KCNB2: variants seen among roughly 807,000 people sequenced by gnomAD.
KCNB2 encodes the protein potassium voltage-gated channel subfamily B member 2.
A neutral mutation model predicts 61.5 loss-of-function variants in KCNB2; 15 were observed. That is an observed-to-expected ratio of 0.24 (90% CI 0.16 to 0.38). The LOEUF is 0.38. Among genes scored for constraint, KCNB2 ranks in the 10% least tolerant of loss-of-function variants. The pLI, the probability that KCNB2 is intolerant of heterozygous loss-of-function variation, is 1.00. For synonymous variants in KCNB2, 457 were observed against 446.0 expected (o/e 1.02, Z -0.31); for missense variants, 828 against 1,125.2 (o/e 0.74, Z 3.78).
At chr8:72,772,834 A>G (rs1808583217) in intron 2 of KCNB2, among the ~76,000 whole-genome samples, 2 of 152,226 alleles carry the variant, frequency 1.3e-5, no homozygotes, top group Admixed American at 1.3e-4. Flanking sequence ...TGCAAACACA[A>G]GTATGACCTG....
chr8:72,712,683 G>A (rs1807344792), intron 2 of KCNB2, among the ~76,000 whole-genome samples: 1 of 152,148 alleles, frequency 6.6e-6, no homozygotes. Context: ...GTTGGCTCTT[G>A]AGCCAAGATG....
At chr8:72,619,216 C>A in intron 2 of KCNB2, 1 of 563,160 alleles carries the variant, frequency 1.8e-6, no homozygotes. Flanking sequence ...AGGGATAAAC[C>A]TAGCTAGTGA....
At chr8:72,797,482 C>G (rs752471763) in intron 2 of KCNB2, among the ~76,000 whole-genome samples, 6 of 152,186 alleles carry the variant, frequency 3.9e-5, no homozygotes, top group Non-Finnish European at 7.4e-5. Context: ...ACCCTAGAGG[C>G]CACAAGAGTT....
intron 2 of KCNB2, among the ~76,000 whole-genome samples, chr8:72,626,655 T>G (rs1805794634): frequency 6.6e-6 from 1 of 152,212 alleles, no homozygotes; most frequent in Non-Finnish European, 1.5e-5. Flanking sequence ...AGACTAAACC[T>G]TAGAAAGCCT....
At chr8:72,645,301 C>T (rs1317429177) in intron 2 of KCNB2, among the ~76,000 whole-genome samples, 1 of 152,164 alleles carries the variant, frequency 6.6e-6, no homozygotes, top group Non-Finnish European at 1.5e-5. Context: ...TGTCATTTTA[C>T]AGGCTCCTTA....
chr8:72,725,559 ATATATGTATATATATG>A (rs1438637542), intron 2 of KCNB2, among the ~76,000 whole-genome samples: 7 of 58,336 alleles, frequency 1.2e-4, no homozygotes, highest in African/African-American at 4.1e-4. Flanking sequence ...ATATATATGT[ATATATGTATATATATG>A]TATATATATA....
At chr8:72,824,075 T>C (rs1057250774) in intron 2 of KCNB2, among the ~76,000 whole-genome samples, 3 of 152,216 alleles carry the variant, frequency 2.0e-5, no homozygotes, top group African/African-American at 7.2e-5. Flanking sequence ...CCCATAATTT[T>C]TCTTCTCACT....
chr8:72,787,967 G>C (rs1394909917), intron 2 of KCNB2, among the ~76,000 whole-genome samples: 1 of 152,090 alleles, frequency 6.6e-6, no homozygotes, highest in Non-Finnish European at 1.5e-5. Flanking sequence ...GCTTCTTACT[G>C]TTTGTGACTT....
chr8:72,846,000 A>C (rs1809984924), intron 2 of KCNB2, among the ~76,000 whole-genome samples: 1 of 151,322 alleles, frequency 6.6e-6, no homozygotes, highest in African/African-American at 2.4e-5. Flanking sequence ...AAAAAAAAAA[A>C]AACTCTGGCA....
At chr8:72,681,292 G>C (rs11786447) in intron 2 of KCNB2, among the ~76,000 whole-genome samples, 7,164 of 152,086 alleles carry the variant, frequency 0.047, 241 homozygotes, top group Non-Finnish European at 0.07. Context: ...AATATAAAAG[G>C]CAACAAAAAA....
chr8:72,537,231 C>G lies in KCNB2; in HGVS notation c.-748C>G, dbSNP rs1414204885. On this transcript the variant is annotated 5_prime_UTR_variant, in exon 1 of 3. Coordinates refer to ENST00000523207, the MANE Select transcript of KCNB2 (RefSeq NM_004770.3). Reference sequence around the variant, plus strand: ...GCGGGAGGCTGGGGTGGCCGCAGCCCTGTGTGCGCGCCGGGCCGGCTAGCT... The same window carrying G: ...GCGGGAGGCTGGGGTGGCCGCAGCCGTGTGTGCGCGCCGGGCCGGCTAGCT... 6.6e-6 allele frequency among the ~76,000 whole-genome samples: 1 copy of G among 151,064 alleles called. No individual in the cohort carries two copies. Among genetic ancestry groups the G allele is most frequent in the Non-Finnish European group, 1.5e-5 (1 of 67,590 alleles).
intron 2 of KCNB2, among the ~76,000 whole-genome samples, chr8:72,712,058 A>C (rs1169432394): frequency 6.6e-6 from 1 of 152,238 alleles, no homozygotes; most frequent in Non-Finnish European, 1.5e-5. Flanking sequence ...TATGTTACTT[A>C]TTCTAAATGT....
At chr8:72,860,718 A>C (rs911982142) in intron 2 of KCNB2, among the ~76,000 whole-genome samples, 1 of 152,228 alleles carries the variant, frequency 6.6e-6, no homozygotes, top group Non-Finnish European at 1.5e-5. Flanking sequence ...TAAGGAAATC[A>C]AGAGGCAAAA....
intron 2 of KCNB2, among the ~76,000 whole-genome samples, chr8:72,698,398 G>A (rs1356149788): frequency 6.6e-6 from 1 of 152,068 alleles, no homozygotes; most frequent in Non-Finnish European, 1.5e-5. Flanking sequence ...CTACATTCAT[G>A]GGGTAGAAGA....
chr8:72,620,713 A>G (rs1339450838), intron 2 of KCNB2, among the ~76,000 whole-genome samples: 1 of 151,992 alleles, frequency 6.6e-6, no homozygotes, highest in Admixed American at 6.6e-5. Context: ...GGTTCAAGTG[A>G]TTCTCCTGCC....
At chr8:72,674,800 A>G (rs1485539543) in intron 2 of KCNB2, among the ~76,000 whole-genome samples, 1 of 152,246 alleles carries the variant, frequency 6.6e-6, no homozygotes, top group Non-Finnish European at 1.5e-5. Context: ...CTGGAAGCAT[A>G]AAGCCTTCAA....
chr8:72,715,461 C>T (rs1329130859), intron 2 of KCNB2, among the ~76,000 whole-genome samples: 1 of 152,204 alleles, frequency 6.6e-6, no homozygotes, highest in Non-Finnish European at 1.5e-5. Context: ...AACAAACTGT[C>T]TCTCAGACCA....
At chr8:72,597,633 C>A (rs1807220999) in intron 2 of KCNB2, among the ~76,000 whole-genome samples, 1 of 152,132 alleles carries the variant, frequency 6.6e-6, no homozygotes, top group South Asian at 2.1e-4. Flanking sequence ...GCATTTTATT[C>A]ATCAAATCAC....
chr8:72,927,167 T>C (rs1806667800), intron 2 of KCNB2, among the ~76,000 whole-genome samples: 1 of 152,196 alleles, frequency 6.6e-6, no homozygotes, highest in South Asian at 2.1e-4. Context: ...AAAACTGGTC[T>C]ATAGAAGGAA....
Sources: gnomAD v4.1 joint callset for allele counts (sites outside exome capture counted in the v4.1 genomes callset) on GRCh38, gnomAD v4.1.1 for gene constraint, MANE v1.5 for transcripts, NCBI Gene and HGNC (gene_info 2026-07-23, HGNC 2026-07-21) for gene names.